The following DAZAP1 variants were observed in gnomAD, a reference collection of about 807,000 sequenced individuals.
The protein encoded by DAZAP1 is DAZ-associated protein 1.
In DAZAP1, 6 loss-of-function variants were observed where a neutral mutation model predicts 60.1. The ratio of observed to expected loss-of-function variants is 0.10; its 90% CI spans 0.05 to 0.20. DAZAP1 has a LOEUF of 0.20. Among genes scored for constraint, DAZAP1 ranks in the 10% least tolerant of loss-of-function variants. The pLI is 1.00. For synonymous variants in DAZAP1, 235 were observed against 215.9 expected (o/e 1.09, Z -0.78); for missense variants, 366 against 560.4 (o/e 0.65, Z 3.50).
At chr19:1,407,896 C>A in intron 1 of DAZAP1, 94 bp downstream of exon 1, 2 of 1,000,642 alleles carry the variant, frequency 2.0e-6, no homozygotes, top group Non-Finnish European at 2.4e-6. Flanking sequence ...CGGGGCCGCC[C>A]CGTCAAGGTC....
chr19:1,434,073 AGGTGTGCAGCGG>A lies in DAZAP1; in HGVS notation c.1049-659_1049-648del, dbSNP rs2083529749. 1.8e-6 allele frequency: 1 copy of A among 555,630 alleles called. No homozygotes were observed. The allele number at this position is 555,630 out of a possible 1,614,324, so 34.4% of individuals were successfully genotyped here. A position where few individuals can be genotyped will look rare whatever the true frequency, so the allele number is the denominator to read the frequency against. ...GAGGTCGTGGGAGGGGCTTCCTGCA[AGGTGTGCAGCGG>A]GGTGGGGAGCGGCGTGAGCAGCTCT... On this transcript the variant is annotated intron_variant, in intron 11 of 11. Transcript: ENST00000233078. This position sits in a 1 kb window ranked among gnomAD's most constrained non-coding sequence, Gnocchi z 8.0.
In DAZAP1 at chr19:1,430,130, C is replaced by G. The variant is rs929439815; in HGVS notation, c.731-92C>G. The G allele has an allele frequency of 2.2e-5, 34 of 1,522,460 alleles. 1 individual carries two copies. The Admixed American group carries it at 4.8e-4, about 21-fold the overall frequency. The allele number at this position is 1,522,460 out of a possible 1,614,324, so 94.3% of individuals were successfully genotyped here. On this transcript the variant is annotated intron_variant, in intron 9 of 11. Coordinates refer to ENST00000233078, the MANE Select transcript of DAZAP1 (RefSeq NM_018959.4). ...TGGAGAGGAAGAGAGGGTGAGGGGC[C>G]TGCTAGGGCCCCTGGCAGGCCTGGG...
intron 10 of DAZAP1, among the ~76,000 whole-genome samples, chr19:1,431,344 T>G (rs1245030153): frequency 6.6e-6 from 1 of 151,116 alleles, no homozygotes; most frequent in Non-Finnish European, 1.5e-5. Flanking sequence ...TTAGGCAGGA[T>G]GGTCTCGATC....
intron 1 of DAZAP1, chr19:1,417,118 A>G (rs987670503): frequency 1.8e-5 from 5 of 270,274 alleles, no homozygotes; most frequent in South Asian, 1.4e-4. Flanking sequence ...AGACTTCTAC[A>G]TTCTTTTTCC....
At position 1,423,206 on chromosome 19, in the gene DAZAP1, C is replaced by G. The variant is rs2144829607; in HGVS notation, c.463+810C>G. Among the ~76,000 whole-genome samples, 1 of 152,358 alleles carries G rather than the reference C, an allele frequency of 6.6e-6. No individual in the cohort carries two copies. Among genetic ancestry groups the G allele is most frequent in the Non-Finnish European group, 1.5e-5 (1 of 68,036 alleles). On this transcript the variant is annotated intron_variant, in intron 6 of 11. Transcript: ENST00000233078. The surrounding 1 kb of genome is among the most constrained non-coding windows in gnomAD (Gnocchi z 6.8). ...GTGGCGCCGCAGCATGCCCACCATGCTGGAGCATAGTTTGCCATTTGAACC... is the reference window on the plus strand; with the variant it reads ...GTGGCGCCGCAGCATGCCCACCATGGTGGAGCATAGTTTGCCATTTGAACC...
intron 4 of DAZAP1, among the ~76,000 whole-genome samples, chr19:1,419,291 G>A (rs1003035298): frequency 2.0e-5 from 3 of 152,226 alleles, no homozygotes; most frequent in African/African-American, 7.2e-5. Context: ...GGCACCAGGA[G>A]CCTGGTGGGG....
In DAZAP1 at chr19:1,418,412, C is replaced by T. The variant is rs1055171431; in HGVS notation, c.237+42C>T. Reference sequence around the variant, plus strand: ...GAGCTCACACCCGCTCTCTGTCTCCCCTGTCCTTCCTCTGCTTCATTTTTT... The same window carrying T: ...GAGCTCACACCCGCTCTCTGTCTCCTCTGTCCTTCCTCTGCTTCATTTTTT... On this transcript the variant is annotated intron_variant, in intron 3 of 11. Coordinates refer to ENST00000233078, the MANE Select transcript of DAZAP1 (RefSeq NM_018959.4). The surrounding 1 kb of genome is among the most constrained non-coding windows in gnomAD (Gnocchi z 5.7). The T allele has an allele frequency of 3.7e-6, 6 of 1,600,042 alleles. No homozygotes were observed. The African/African-American group carries it at 5.4e-5, about 14-fold the overall frequency.
chr19:1,429,735 C>A (rs1230009402), intron 8 of DAZAP1, among the ~76,000 whole-genome samples: 3 of 152,190 alleles, frequency 2.0e-5, no homozygotes, highest in Non-Finnish European at 4.4e-5. Flanking sequence ...GACACAGTGC[C>A]CGCCACCTGG....
chr19:1,419,186 C>T (rs2083074848), intron 4 of DAZAP1, among the ~76,000 whole-genome samples: 1 of 152,236 alleles, frequency 6.6e-6, no homozygotes, highest in Admixed American at 6.5e-5. Context: ...GCTTGCCTGG[C>T]CGACAGGGCA....
chr19:1,414,620 C>T (rs2082921085), intron 1 of DAZAP1, among the ~76,000 whole-genome samples: 1 of 151,832 alleles, frequency 6.6e-6, no homozygotes, highest in African/African-American at 2.4e-5. Context: ...CCTGTAGTCC[C>T]AGCTACTCGG....
At chr19:1,417,249 A>G (rs1051068023) in intron 1 of DAZAP1, 6 of 544,064 alleles carry the variant, frequency 1.1e-5, no homozygotes, top group East Asian at 3.3e-5. Flanking sequence ...CCCGCCACGC[A>G]TGAGGTCAGC....
chr19:1,419,303 G>A (rs894235017), intron 4 of DAZAP1, among the ~76,000 whole-genome samples: 34 of 152,204 alleles, frequency 2.2e-4, no homozygotes, highest in African/African-American at 8.0e-4. Context: ...CTGGTGGGGC[G>A]GTGCAGATGG....
At chr19:1,419,637 G>A in intron 4 of DAZAP1, among the ~76,000 whole-genome samples, 1 of 152,080 alleles carries the variant, frequency 6.6e-6, no homozygotes, top group Non-Finnish European at 1.5e-5. Flanking sequence ...GGAATCCAAG[G>A]TTCATATTCC....
rs750603915 is a variant in DAZAP1 at position 1,434,117 on chromosome 19, G to A, written c.1049-620G>A. ...GAGCGGCGTGAGCAGCTCTGTCCTT[G>A]TAAAGACACCGCTGTCCATGCTCCT... is the stretch of plus-strand genomic sequence containing the variant. On this transcript the variant is annotated intron_variant, in intron 11 of 11. Coordinates refer to ENST00000233078, the MANE Select transcript of DAZAP1 (RefSeq NM_018959.4). The surrounding 1 kb of genome is among the most constrained non-coding windows in gnomAD (Gnocchi z 8.0). 2.3e-4 allele frequency: 101 copies of A among 439,084 alleles called. 1 individual carries two copies. The highest frequency in any genetic ancestry group is 2.0e-3 in the Admixed American group (53 of 26,212). The allele number at this position is 439,084 out of a possible 1,614,324, so 27.2% of individuals were successfully genotyped here.
At chr19:1,414,809 TAA>T (rs764963454) in intron 1 of DAZAP1, among the ~76,000 whole-genome samples, 310 of 152,112 alleles carry the variant, frequency 2.0e-3, no homozygotes, top group Middle Eastern at 3.4e-3. Context: ...TAATTTTATT[TAA>T]GAGTATTTTT....
In DAZAP1 at chr19:1,434,627, G is replaced by A. The variant is rs1392954327; in HGVS notation, c.1049-110G>A. Reference sequence around the variant, plus strand: ...GAAGGGCCCCACCCGCACCCCGTGGGACCCGTGGACTCAAGGCAGGCTCGG... The same window carrying A: ...GAAGGGCCCCACCCGCACCCCGTGGAACCCGTGGACTCAAGGCAGGCTCGG... On this transcript the variant is annotated intron_variant, in intron 11 of 11. Transcript: ENST00000233078. The surrounding 1 kb of genome is among the most constrained non-coding windows in gnomAD (Gnocchi z 8.0). The A allele has an allele frequency of 1.7e-6, 2 of 1,193,862 alleles. No individual in the cohort carries two copies. The highest frequency in any genetic ancestry group is 2.0e-5 in the Admixed American group (1 of 50,082). 74.0% of individuals were successfully genotyped at this position (1,193,862 alleles called of 1,614,324 possible).
At position 1,421,201 on chromosome 19, in the gene DAZAP1, A is replaced by G. The variant is rs772537153; in HGVS notation, c.357A>G (p.Gly119=). 1 of 1,614,208 alleles carries G rather than the reference A, an allele frequency of 6.2e-7. No individual in the cohort carries two copies. Among genetic ancestry groups the G allele is most frequent in the Non-Finnish European group, 8.5e-7 (1 of 1,180,024 alleles). Residue 119 remains glycine (G), a synonymous_variant, in exon 5 of 12, where the codon GGA becomes GGG. Coordinates refer to ENST00000233078, the MANE Select transcript of DAZAP1 (RefSeq NM_018959.4). The part of the protein sequence containing the change: ...NSKSNKIFVG[G]IPHNCGETEL... ...AATCAAATAAGATATTTGTCGGTGG[A>G]ATTCCTCACAATTGTGGTGAGACAG...
At chr19:1,409,031 A>C (rs1034554046) in intron 1 of DAZAP1, among the ~76,000 whole-genome samples, 5 of 152,202 alleles carry the variant, frequency 3.3e-5, no homozygotes, top group African/African-American at 1.2e-4. Flanking sequence ...TACAGGTCAC[A>C]CTTGTGGATG....
At position 1,421,273 on chromosome 19, in the gene DAZAP1, A is replaced by G. The variant is rs1329559339; in HGVS notation, c.414+15A>G. The stretch of plus-strand genomic sequence containing the variant: ...AGTTCGGAGTGGTGAGTTTCTCCCC[A>G]CCCCGGCAGCACTGTGGGGACAGAG... On this transcript the variant is annotated intron_variant, in intron 5 of 11. Transcript: ENST00000233078. The G allele has an allele frequency of 3.1e-6, 5 of 1,609,510 alleles. No individual in the cohort carries two copies. The highest frequency in any genetic ancestry group is 4.2e-6 in the Non-Finnish European group (5 of 1,176,564).
Sources: allele counts gnomAD v4.1 joint callset (sites outside exome capture counted in the v4.1 genomes callset), GRCh38; gene constraint gnomAD v4.1.1; non-coding constraint Gnocchi (gnomAD v3.1); transcripts MANE v1.5; gene names NCBI Gene and HGNC (gene_info 2026-07-23, HGNC 2026-07-21).